Variants in PTGS1 observed in about 807,000 individuals in gnomAD.
The protein encoded by PTGS1 is prostaglandin-endoperoxide synthase 1.
A neutral mutation model predicts 63.0 loss-of-function variants in PTGS1; 40 were observed. The observed-to-expected ratio is 0.63, with a 90% confidence interval of 0.49 to 0.83. PTGS1 has a LOEUF of 0.83. Ranked by LOEUF, PTGS1 falls within the 40% of genes least tolerant of loss-of-function variation. The probability of loss-of-function intolerance (pLI) is 0.00; values close to 1 mark genes in which losing one functional copy is unlikely to be tolerated. For missense variants in PTGS1, 709 were observed against 786.5 expected, an observed-to-expected ratio of 0.90 and a Z score of 1.18; for synonymous variants, 298 against 301.9, an observed-to-expected ratio of 0.99 and a Z score of 0.13.
Position 122,383,759 on chromosome 9 carries a change from A to G in PTGS1, c.1009+4A>G. On this transcript the variant is annotated splice_donor_region_variant and intron_variant, in intron 8 of 10. Transcript: ENST00000362012. ...ACGACCCGCCTCATCCTCATAGGTG[A>G]GGACTCCAGACCTGCCCTGCCCTGG... 2 of 1,607,666 alleles carry G rather than the reference A, an allele frequency of 1.2e-6. No individual in the cohort carries two copies. The highest frequency in any genetic ancestry group is 3.3e-5 in the Admixed American group (2 of 60,000).
intron 9 of PTGS1, among the ~76,000 whole-genome samples, chr9:122,388,444 C>T (rs1308118895): frequency 6.6e-6 from 1 of 152,198 alleles, no homozygotes; most frequent in Non-Finnish European, 1.5e-5. Flanking sequence ...AACAGCTTTG[C>T]ATAGTTTATC....
rs1023066861 is a variant in PTGS1, at chr9:122,378,068, C to T, written c.211+53C>T. 2.4e-5 allele frequency: 37 copies of T among 1,511,470 alleles called. No individual in the cohort carries two copies. In the East Asian group the frequency reaches 2.7e-4, roughly 11 times the overall value. The allele number at this position is 1,511,470 out of a possible 1,614,324, so 93.6% of individuals were successfully genotyped here. On this transcript the variant is annotated intron_variant, in intron 3 of 10. Transcript: ENST00000362012. ...TTCCGTCTTGAGCCCTTCTGCTCCC[C>T]GGGCCCTTTCTCCTAGACCCTAACT... is the stretch of plus-strand genomic sequence containing the variant.
chr9:122,371,304 C>T (rs778156833), intron 2 of PTGS1, 32 bp downstream of exon 2: 14 of 1,600,188 alleles, frequency 8.7e-6, no homozygotes, highest in Non-Finnish European at 1.2e-5. Flanking sequence ...CAAGGGAATC[C>T]CCGGTCTTGC....
At position 122,390,384 on chromosome 9, in the gene PTGS1, G is replaced by A. The variant is rs200355131; in HGVS notation, c.1444+39G>A. 14 of 1,604,390 alleles carry A rather than the reference G, an allele frequency of 8.7e-6. No homozygotes were observed. In the South Asian group the frequency reaches 1.5e-4, roughly 17 times the overall value. On this transcript the variant is annotated intron_variant, in intron 10 of 10. Transcript: ENST00000362012. ...TCCTGGATGCAGTCCCTGCCCTTGAGGGACTGGCAGCAAAGTCAGGGAGAC... is the reference window on the plus strand; with the variant it reads ...TCCTGGATGCAGTCCCTGCCCTTGAAGGACTGGCAGCAAAGTCAGGGAGAC...
At chr9:122,375,815 T>C (rs1317168831) in intron 2 of PTGS1, among the ~76,000 whole-genome samples, 2 of 152,024 alleles carry the variant, frequency 1.3e-5, no homozygotes, top group Non-Finnish European at 2.9e-5. Flanking sequence ...TGGCGCAGAA[T>C]GTTGGAGCTG....
chr9:122,374,791 T>G (rs953148909), intron 2 of PTGS1, among the ~76,000 whole-genome samples: 1 of 152,114 alleles, frequency 6.6e-6, no homozygotes, highest in Non-Finnish European at 1.5e-5. Context: ...TCAGTCTGCA[T>G]CAAAGCGACT....
intron 8 of PTGS1, among the ~76,000 whole-genome samples, chr9:122,384,722 C>G (rs1837768650): frequency 6.6e-6 from 1 of 152,162 alleles, no homozygotes; most frequent in Non-Finnish European, 1.5e-5. Context: ...AAAATCTATG[C>G]TACTTCCACT....
chr9:122,387,605 A>C (rs1007009325), intron 9 of PTGS1, among the ~76,000 whole-genome samples: 1 of 152,198 alleles, frequency 6.6e-6, no homozygotes, highest in African/African-American at 2.4e-5. Flanking sequence ...TGTAGGGAGA[A>C]GAAAGCCATC....
chr9:122,377,844 T>G, intron 2 of PTGS1, 55 bp from the exon 3 acceptor site: 1 of 1,472,032 alleles, frequency 6.8e-7, no homozygotes, highest in Non-Finnish European at 9.5e-7. Context: ...AGGGGCTAGA[T>G]GGGGGTCAGG....
rs1288344921 is a variant in PTGS1, at chr9:122,392,894, G to T, written c.*350G>T. The T allele has an allele frequency of 5.0e-6, 1 of 200,856 alleles. No individual in the cohort carries two copies. Among genetic ancestry groups the T allele is most frequent in the Non-Finnish European group, 1.0e-5 (1 of 98,148 alleles). The allele number at this position is 200,856 out of a possible 1,614,324, so 12.4% of individuals were successfully genotyped here. ...ACTGATGAAATCTGCTAGAAAGTTA[G>T]GGGGTTCTTATTTTGCATTCCAGAA... is the stretch of plus-strand genomic sequence containing the variant. On this transcript the variant is annotated 3_prime_UTR_variant, in exon 11 of 11. Coordinates refer to ENST00000362012, the MANE Select transcript of PTGS1 (RefSeq NM_000962.4).
rs762656955 is a variant in PTGS1 at position 122,392,532 on chromosome 9, C to T, written c.1788C>T (p.Ser596=). The T allele has an allele frequency of 5.6e-6, 9 of 1,612,954 alleles. 1 individual carries two copies. In the South Asian group the frequency reaches 9.9e-5, roughly 18 times the overall value. Residue 596 remains serine, a synonymous_variant, in exon 11 of 11, where the codon TCC becomes TCT. Transcript: ENST00000362012. ...QDDGPAVERP[S]TEL ...ATGGGCCTGCTGTGGAGCGACCATCCACAGAGCTCTGAGGGGCAGGAAAGC... is the reference window on the plus strand; with the variant it reads ...ATGGGCCTGCTGTGGAGCGACCATCTACAGAGCTCTGAGGGGCAGGAAAGC...
At chr9:122,391,396 T>C (rs191399644) in intron 10 of PTGS1, among the ~76,000 whole-genome samples, 2,935 of 86,900 alleles carry the variant, frequency 0.034, 147 homozygotes, top group African/African-American at 0.18. Context: ...CATATATATA[T>C]ACATATATAT....
At chr9:122,387,650 A>G (rs1483533888) in intron 9 of PTGS1, among the ~76,000 whole-genome samples, 1 of 152,170 alleles carries the variant, frequency 6.6e-6, no homozygotes, top group East Asian at 1.9e-4. Context: ...GGAGATACCA[A>G]CCCTGCTGAC....
upstream of PTGS1, chr9:122,370,907 A>G: frequency 9.6e-7 from 1 of 1,038,816 alleles, no homozygotes; most frequent in Non-Finnish European, 1.4e-6. Flanking sequence ...AATTAATAAA[A>G]TGCCTTGGCC....
Position 122,371,869 on chromosome 9 carries a change from A to G in PTGS1, c.94+597A>G, listed in dbSNP as rs765863223. The G allele has an allele frequency of 8.5e-6, 12 of 1,419,066 alleles. No individual in the cohort carries two copies. In the South Asian group the frequency reaches 1.5e-4, roughly 17 times the overall value. 87.9% of individuals were successfully genotyped at this position (1,419,066 alleles called of 1,614,324 possible). A position where few individuals can be genotyped will look rare whatever the true frequency, so the allele number is the denominator to read the frequency against. On this transcript the variant is annotated intron_variant, in intron 2 of 10. Transcript: ENST00000362012. ...ATGATTCCCCAAGCTCACAAAATACATGGTGGGCCCAGGATCTGAACTCAG... is the reference window on the plus strand; with the variant it reads ...ATGATTCCCCAAGCTCACAAAATACGTGGTGGGCCCAGGATCTGAACTCAG...
rs1258541677 is a variant in PTGS1 at position 122,381,720 on chromosome 9, C to G, written c.735C>G (p.Leu245=). Residue 245 remains leucine (L), a synonymous_variant, in exon 7 of 11, where the codon CTC becomes CTG. Transcript: ENST00000362012. ...TGGAGCGTCAGTATCAACTGCGGCT[C>G]TTTAAGGATGGGAAACTCAAGTACC... ...DNLERQYQLR[L]FKDGKLKYQV... 6.2e-7 allele frequency: 1 copy of G among 1,613,932 alleles called. No homozygotes were observed. Among genetic ancestry groups the G allele is most frequent in the East Asian group, 2.2e-5 (1 of 44,868 alleles).
chr9:122,383,757 T>C lies in PTGS1; in HGVS notation c.1009+2T>C. The stretch of plus-strand genomic sequence containing the variant: ...AGACGACCCGCCTCATCCTCATAGG[T>C]GAGGACTCCAGACCTGCCCTGCCCT... On this transcript the variant is annotated splice_donor_variant, in intron 8 of 10. Transcript: ENST00000362012. LOFTEE classifies it high-confidence loss of function. 1 of 1,608,154 alleles carries C rather than the reference T, an allele frequency of 6.2e-7. No individual in the cohort carries two copies. Among genetic ancestry groups the C allele is most frequent in the Non-Finnish European group, 8.5e-7 (1 of 1,179,364 alleles).
Position 122,392,634 on chromosome 9 carries a change from T to G in PTGS1, c.*90T>G. 8.0e-7 allele frequency: 1 copy of G among 1,251,460 alleles called. No individual in the cohort carries two copies. 77.5% of individuals were successfully genotyped at this position (1,251,460 alleles called of 1,614,324 possible). On this transcript the variant is annotated 3_prime_UTR_variant, in exon 11 of 11. Transcript: ENST00000362012. ...AGGGCTGATGGTCTTAAATGCTCATTTTCTGGTTTGGCATGGTGAGTGTTG... is the reference window on the plus strand; with the variant it reads ...AGGGCTGATGGTCTTAAATGCTCATGTTCTGGTTTGGCATGGTGAGTGTTG...
intron 2 of PTGS1, among the ~76,000 whole-genome samples, chr9:122,373,621 A>G (rs1010736904): frequency 2.0e-5 from 3 of 152,236 alleles, no homozygotes; most frequent in African/African-American, 7.2e-5. Context: ...GCTGCATGCC[A>G]GGCAGAGGAG....
Sources: allele counts gnomAD v4.1 joint callset (sites outside exome capture counted in the v4.1 genomes callset), GRCh38; gene constraint gnomAD v4.1.1; transcripts MANE v1.5; gene names NCBI Gene and HGNC (gene_info 2026-07-23, HGNC 2026-07-21).